The following UBA5 variants were observed in gnomAD, a reference collection of about 807,000 sequenced individuals.
UBA5 encodes the protein ubiquitin like modifier activating enzyme 5.
A neutral mutation model predicts 52.9 loss-of-function variants in UBA5; 28 were observed. That is an observed-to-expected ratio of 0.53 (90% CI 0.39 to 0.73). UBA5 has a LOEUF of 0.73. UBA5 is among the 30% of genes least tolerant of loss of function. UBA5 has a pLI of 0.00. For synonymous variants in UBA5, 135 were observed against 162.1 expected, an observed-to-expected ratio of 0.83 and a Z score of 1.27; for missense variants, 388 against 492.7, an observed-to-expected ratio of 0.79 and a Z score of 2.01.
chr3:132,660,147 T>C, upstream of UBA5: 1 of 345,236 alleles, frequency 2.9e-6, no homozygotes. This position sits in a 1 kb window ranked among gnomAD's most constrained non-coding sequence, Gnocchi z 4.1. Flanking sequence ...GCCGTCAGAC[T>C]GTCGAGCCTA....
upstream of UBA5, chr3:132,659,916 C>G: frequency 1.3e-6 from 1 of 742,552 alleles, no homozygotes; most frequent in Non-Finnish European, 2.0e-6. Flanking sequence ...CAACGCTTGC[C>G]CGCTGAATCC....
In UBA5 at chr3:132,676,016, G is replaced by A. The variant is rs112304745; in HGVS notation, c.1131+93G>A. On this transcript the variant is annotated intron_variant, in intron 11 of 11. Coordinates refer to ENST00000356232, the MANE Select transcript of UBA5 (RefSeq NM_024818.6). The surrounding 1 kb of genome is among the most constrained non-coding windows in gnomAD (Gnocchi z 4.1). ...TTGTAATGCCAATGAAGTATTTCCT[G>A]TTTTAGATATTTTATGCTATAGGCA... is the stretch of plus-strand genomic sequence containing the variant. The A allele has an allele frequency of 3.4e-6, 3 of 879,624 alleles. No individual in the cohort carries two copies. The highest frequency in any genetic ancestry group is 1.7e-5 in the African/African-American group (1 of 58,874). 54.5% of individuals were successfully genotyped at this position (879,624 alleles called of 1,614,324 possible). A position where few individuals can be genotyped will look rare whatever the true frequency, so the allele number is the denominator to read the frequency against.
At chr3:132,671,921 T>TA in intron 7 of UBA5, 40 bp downstream of exon 7, 5 of 1,604,806 alleles carry the variant, frequency 3.1e-6, no homozygotes, top group Non-Finnish European at 4.3e-6. Context: ...CACTGTTAGA[T>TA]ACTTGAGTTC....
rs1293451344 is a variant in UBA5, at chr3:132,660,641, G to A, written c.104G>A (p.Gly35Asp). Residue 35 changes from glycine (G) to aspartate (D), a missense_variant, in exon 1 of 12, where the codon GGC (glycine) becomes GAC (aspartate). Transcript: ENST00000356232. The surrounding 1 kb of genome is among the most constrained non-coding windows in gnomAD (Gnocchi z 4.1). ...LQVPRSGDGGGGRVRIEKMSS... is the reference protein window; with the variant it reads ...LQVPRSGDGGDGRVRIEKMSS... ...GTCCCGAGGAGCGGCGACGGAGGGG[G>A]CGGCCGGGTCCGCATCGAGAAGATG... 4 of 1,570,906 alleles carry A rather than the reference G, an allele frequency of 2.5e-6. No individual in the cohort carries two copies. Among genetic ancestry groups the A allele is most frequent in the East Asian group, 4.7e-5 (2 of 42,354 alleles).
rs779302658 is a variant in UBA5 at position 132,679,580 on chromosome 3, TAC to T, written c.*3056_*3057del. On this transcript the variant is annotated 3_prime_UTR_variant, in exon 12 of 12. Transcript: ENST00000356232. ...AATTTTGAGTGATCATGTCTCCAAC[TAC>T]AGTTATTCAGGCACAAATTTTGGAG... Among the ~76,000 whole-genome samples the T allele has an allele frequency of 6.6e-6, 1 of 152,226 alleles. No homozygotes were observed. Among genetic ancestry groups the T allele is most frequent in the Non-Finnish European group, 1.5e-5 (1 of 68,026 alleles).
chr3:132,673,520 G>C (rs2107946317), intron 8 of UBA5, among the ~76,000 whole-genome samples: 1 of 151,828 alleles, frequency 6.6e-6, no homozygotes, highest in Admixed American at 6.6e-5. Context: ...GCTAATTTTT[G>C]TATTTTTTGT....
intron 1 of UBA5, chr3:132,661,123 T>A: frequency 8.1e-7 from 1 of 1,231,134 alleles, no homozygotes; most frequent in Non-Finnish European, 1.1e-6. Context: ...CGGGGTTAGC[T>A]CTATTCTGAG....
upstream of UBA5, chr3:132,660,068 A>G (rs1938058445): frequency 2.8e-6 from 1 of 361,430 alleles, no homozygotes; most frequent in Non-Finnish European, 5.0e-6. This position sits in a 1 kb window ranked among gnomAD's most constrained non-coding sequence, Gnocchi z 4.1. Context: ...ACAACGCAGA[A>G]GCCTCTTCCA....
chr3:132,668,871 C>A lies in UBA5; in HGVS notation c.351C>A (p.Phe117Leu), dbSNP rs1418553460. 1 of 1,611,612 alleles carries A rather than the reference C, an allele frequency of 6.2e-7. No homozygotes were observed. The highest frequency in any genetic ancestry group is 8.5e-7 in the Non-Finnish European group (1 of 1,179,372). ...KVELANMNRL[F>L]FQPHQAGLSK... ...AACTAGCCAATATGAATAGACTTTT[C>A]TTCCAACCTCATCAAGCAGGATTAA... Residue 117 changes from phenylalanine (F) to leucine (L), a missense_variant, in exon 4 of 12, where the codon TTC (phenylalanine) becomes TTA (leucine). Phe to Leu is a conservative substitution (Grantham distance 22). This residue lies in a region of UBA5 where 16 missense variants were observed against 59.3 expected (regional missense o/e 0.27). Coordinates refer to ENST00000356232, the MANE Select transcript of UBA5 (RefSeq NM_024818.6).
Position 132,668,687 on chromosome 3 carries a change from A to G in UBA5, c.298-131A>G, listed in dbSNP as rs535618491. 7.6e-5 allele frequency: 42 copies of G among 553,214 alleles called. No homozygotes were observed. In the East Asian group the frequency reaches 1.2e-3, roughly 16 times the overall value. The allele number at this position is 553,214 out of a possible 1,614,324, so 34.3% of individuals were successfully genotyped here. On this transcript the variant is annotated intron_variant, in intron 3 of 11. Coordinates refer to ENST00000356232, the MANE Select transcript of UBA5 (RefSeq NM_024818.6). ...TTCAATGAATTAATATATGGCACCT[A>G]GTGTTGTAGAGTTAGCTAATATTAT...
chr3:132,673,877 C>T (rs1938713982), intron 8 of UBA5, among the ~76,000 whole-genome samples: 1 of 152,074 alleles, frequency 6.6e-6, no homozygotes, highest in South Asian at 2.1e-4. Context: ...GTTTTCCAGG[C>T]TGGTCTTGAA....
upstream of UBA5, among the ~76,000 whole-genome samples, chr3:132,658,573 C>A (rs73000573): frequency 0.035 from 5,336 of 152,294 alleles, 162 homozygotes; most frequent in African/African-American, 0.075. Context: ...GAACTTTGAT[C>A]TGTTTCAGTT....
chr3:132,668,948 G>T (rs1490033678), intron 4 of UBA5, 21 bp downstream of exon 4: 19 of 1,433,352 alleles, frequency 1.3e-5, no homozygotes, highest in Non-Finnish European at 1.8e-5. Context: ...TAGCAATCAA[G>T]TACCATATTC....
At chr3:132,659,319 C>A (rs1937996955), upstream of UBA5, 1 of 410,354 alleles carries the variant, frequency 2.4e-6, no homozygotes, top group South Asian at 3.2e-5. Flanking sequence ...GCCTTAATTG[C>A]CTTGGTGAAT....
rs537464871 is a variant in UBA5, at chr3:132,678,753, G to A, written c.*2227G>A. 1.0e-3 allele frequency among the ~76,000 whole-genome samples: 158 copies of A among 151,988 alleles called. No individual in the cohort carries two copies. The highest frequency in any genetic ancestry group is 3.7e-3 in the African/African-American group (153 of 41,480). The stretch of plus-strand genomic sequence containing the variant: ...CATCCTCCGCCTCCCAGGTTCAAGC[G>A]ATTCTCCTGCCTCAGCCTCCCAAGT... On this transcript the variant is annotated 3_prime_UTR_variant, in exon 12 of 12. Coordinates refer to ENST00000356232, the MANE Select transcript of UBA5 (RefSeq NM_024818.6).
Position 132,660,655 on chromosome 3 carries a change from A to G in UBA5, c.118A>G (p.Ile40Val). ...CGACGGAGGGGGCGGCCGGGTCCGC[A>G]TCGAGAAGATGAGCTCAGAGGTGGT... The part of the protein sequence containing the change: ...SGDGGGGRVR[I>V]EKMSSEVVDS... The change falls in exon 1 of 12, where the codon ATC becomes GTC. Residue 40 changes from isoleucine (I) to valine (V), a missense_variant. Ile to Val is a conservative substitution (Grantham distance 29). This residue lies in a region of UBA5 where 95 missense variants were observed against 107.0 expected (regional missense o/e 0.89). Coordinates refer to ENST00000356232, the MANE Select transcript of UBA5 (RefSeq NM_024818.6). This position sits in a 1 kb window ranked among gnomAD's most constrained non-coding sequence, Gnocchi z 4.1. 1 of 1,574,740 alleles carries G rather than the reference A, an allele frequency of 6.4e-7. No homozygotes were observed. Among genetic ancestry groups the G allele is most frequent in the Non-Finnish European group, 8.6e-7 (1 of 1,160,656 alleles).
chr3:132,670,351 A>G, intron 5 of UBA5, 67 bp downstream of exon 5: 2 of 685,810 alleles, frequency 2.9e-6, no homozygotes, highest in East Asian at 3.1e-5. Context: ...TATTAGAAAA[A>G]TCTATGGATT....
Position 132,675,230 on chromosome 3 carries a change from CTA to C in UBA5, c.813-16_813-15del, listed in dbSNP as rs1412483876. The stretch of plus-strand genomic sequence containing the variant: ...ATGTTTTAAATTTCTTTATTTAAGT[CTA>C]TTTTGATTTTTCTAGGTTTCTGTTA... On this transcript the variant is annotated splice_polypyrimidine_tract_variant and intron_variant, in intron 8 of 11. Transcript: ENST00000356232. 2.6e-6 allele frequency: 4 copies of C among 1,530,428 alleles called. No homozygotes were observed. The highest frequency in any genetic ancestry group is 3.5e-5 in the Admixed American group (2 of 57,024). The allele number at this position is 1,530,428 out of a possible 1,614,324, so 94.8% of individuals were successfully genotyped here. A position where few individuals can be genotyped will look rare whatever the true frequency, so the allele number is the denominator to read the frequency against.
rs767139749 is a variant in UBA5 at position 132,672,190 on chromosome 3, T to C, written c.812+13T>C. 1.2e-6 allele frequency: 2 copies of C among 1,611,584 alleles called. No individual in the cohort carries two copies. Among genetic ancestry groups the C allele is most frequent in the Admixed American group, 3.4e-5 (2 of 59,570 alleles). ...AAAACGTGTTAAAGTAAGTCAGGGCTAATTTTTCTGAATAGTCTTGTATGC... is the reference window on the plus strand; with the variant it reads ...AAAACGTGTTAAAGTAAGTCAGGGCCAATTTTTCTGAATAGTCTTGTATGC... On this transcript the variant is annotated intron_variant, in intron 8 of 11. Transcript: ENST00000356232.
Sources: allele counts gnomAD v4.1 joint callset (sites outside exome capture counted in the v4.1 genomes callset), GRCh38; gene constraint gnomAD v4.1.1; regional missense constraint gnomAD v4.1.1; non-coding constraint Gnocchi (gnomAD v3.1); transcripts MANE v1.5; gene names NCBI Gene and HGNC (gene_info 2026-07-23, HGNC 2026-07-21).